Variants in ADCY2 observed in about 807,000 individuals in gnomAD.
ADCY2 encodes the protein adenylate cyclase type 2.
Under a neutral mutation model 125.2 loss-of-function variants are expected in ADCY2, and 31 were observed. That is an observed-to-expected ratio of 0.25 (90% CI 0.19 to 0.33). The LOEUF (loss-of-function observed/expected upper bound fraction) is 0.33, where lower values mean the gene tolerates loss of function less well. Ranked by LOEUF, ADCY2 falls within the 10% of genes least tolerant of loss-of-function variation. The pLI, the probability that ADCY2 is intolerant of heterozygous loss-of-function variation, is 1.00. For synonymous variants in ADCY2, 512 were observed against 548.4 expected (o/e 0.93, Z 0.93); for missense variants, 904 against 1,418.2 (o/e 0.64, Z 5.82).
intron 3 of ADCY2, among the ~76,000 whole-genome samples, chr5:7,591,880 T>C (rs1736859402): frequency 6.6e-6 from 1 of 152,248 alleles, no homozygotes; most frequent in Non-Finnish European, 1.5e-5. Context: ...GGTTTCTGTT[T>C]ACACATTTAC....
intron 3 of ADCY2, among the ~76,000 whole-genome samples, chr5:7,541,880 C>T (rs1174186361): frequency 7.2e-5 from 11 of 152,106 alleles, no homozygotes; most frequent in Non-Finnish European, 1.5e-5. Context: ...ACTGAAGAGC[C>T]TCTATCATAA....
intron 20 of ADCY2, among the ~76,000 whole-genome samples, chr5:7,792,568 CTCATG>C (rs58511007): frequency 0.1 from 15,332 of 152,050 alleles, 1,861 homozygotes; most frequent in African/African-American, 0.29. Flanking sequence ...AGAGCCCTGT[CTCATG>C]TCCTGACAGC....
chr5:7,682,437 A>G (rs1340433458), intron 4 of ADCY2, among the ~76,000 whole-genome samples: 1 of 152,112 alleles, frequency 6.6e-6, no homozygotes, highest in Non-Finnish European at 1.5e-5. Context: ...TCTGTTGCTC[A>G]TTCTCACCCC....
intron 10 of ADCY2, among the ~76,000 whole-genome samples, chr5:7,710,834 A>T (rs1741416687): frequency 6.6e-6 from 1 of 152,176 alleles, no homozygotes; most frequent in Non-Finnish European, 1.5e-5. Context: ...AGAGTTTAGC[A>T]GTGGAAGCAA....
rs1745570985 is a variant in ADCY2, at chr5:7,829,179, C to A, written c.*2308C>A. On this transcript the variant is annotated 3_prime_UTR_variant, in exon 25 of 25. Coordinates refer to ENST00000338316, the MANE Select transcript of ADCY2 (RefSeq NM_020546.3). Reference sequence around the variant, plus strand: ...AAAATGCAAATTCTCAGGCCCCAACCTGAAGGAGGACCCTGAATTTGAGAT... The same window carrying A: ...AAAATGCAAATTCTCAGGCCCCAACATGAAGGAGGACCCTGAATTTGAGAT... 1 of 152,544 alleles carries A rather than the reference C, an allele frequency of 6.6e-6. No homozygotes were observed. Among genetic ancestry groups the A allele is most frequent in the South Asian group, 2.1e-4 (1 of 4,832 alleles). The allele number at this position is 152,544 out of a possible 1,614,324, so 9.4% of individuals were successfully genotyped here.
chr5:7,821,603 T>C (rs1310048901), intron 24 of ADCY2, among the ~76,000 whole-genome samples: 2 of 152,238 alleles, frequency 1.3e-5, no homozygotes, highest in Non-Finnish European at 2.9e-5. Flanking sequence ...TTTGCCCTTG[T>C]ACAGCGAATG....
chr5:7,819,567 A>G (rs1395763618), intron 23 of ADCY2, among the ~76,000 whole-genome samples: 1 of 152,188 alleles, frequency 6.6e-6, no homozygotes, highest in Admixed American at 6.5e-5. Context: ...TAAAGTCTAT[A>G]CCCTCAACCC....
intron 2 of ADCY2, among the ~76,000 whole-genome samples, chr5:7,468,520 A>G (rs1742214529): frequency 6.6e-6 from 1 of 152,150 alleles, no homozygotes; most frequent in South Asian, 2.1e-4. Flanking sequence ...TTGTTTTTTC[A>G]GTTTTATGGA....
intron 12 of ADCY2, among the ~76,000 whole-genome samples, chr5:7,721,326 A>C (rs1247390914): frequency 1.3e-5 from 2 of 152,018 alleles, no homozygotes; most frequent in Non-Finnish European, 2.9e-5. Flanking sequence ...GATTATAAAA[A>C]TTTTCTCCCA....
At position 7,447,225 on chromosome 5, in the gene ADCY2, C is replaced by T. The variant is rs577506911; in HGVS notation, c.408+32455C>T. Among the ~76,000 whole-genome samples, 18 of 152,244 alleles carry T rather than the reference C, an allele frequency of 1.2e-4. No homozygotes were observed. In the East Asian group the frequency reaches 2.5e-3, roughly 21 times the overall value. The stretch of plus-strand genomic sequence containing the variant: ...ATCCCCCAAGCTCTTCTGCAACTCT[C>T]GGGTCTCTCCTGTGGTCTCACCTCT... On this transcript the variant is annotated intron_variant, in intron 2 of 24. Coordinates refer to ENST00000338316, the MANE Select transcript of ADCY2 (RefSeq NM_020546.3).
At chr5:7,687,433 G>T (rs1435120793) in intron 4 of ADCY2, among the ~76,000 whole-genome samples, 1 of 152,162 alleles carries the variant, frequency 6.6e-6, no homozygotes, top group Non-Finnish European at 1.5e-5. Context: ...ACCACAAGCA[G>T]ATCCTAAGAC....
chr5:7,496,631 T>G (rs1035677389), intron 2 of ADCY2, among the ~76,000 whole-genome samples: 7 of 152,178 alleles, frequency 4.6e-5, no homozygotes, highest in African/African-American at 1.2e-4. Flanking sequence ...AAGATTATTA[T>G]TTTACAATAG....
At position 7,549,242 on chromosome 5, in the gene ADCY2, G is replaced by A. The variant is rs116750643; in HGVS notation, c.570+28343G>A. Among the ~76,000 whole-genome samples, 1,124 of 152,268 alleles carry A rather than the reference G, an allele frequency of 7.4e-3. 14 individuals carry two copies. Among genetic ancestry groups the A allele is most frequent in the African/African-American group, 0.026 (1,060 of 41,562 alleles). The stretch of plus-strand genomic sequence containing the variant: ...CCTGTTGCTACATTAGGTTTCTGTT[G>A]TGGATAGTGGGCTGCAGTTCTCACA... On this transcript the variant is annotated intron_variant, in intron 3 of 24. Transcript: ENST00000338316.
At chr5:7,719,753 A>C (rs562231673) in intron 12 of ADCY2, among the ~76,000 whole-genome samples, 6 of 152,126 alleles carry the variant, frequency 3.9e-5, no homozygotes, top group Admixed American at 6.6e-5. Flanking sequence ...ACCTCATTTA[A>C]CCTTCATTTC....
intron 3 of ADCY2, among the ~76,000 whole-genome samples, chr5:7,524,734 C>A (rs1276605566): frequency 1.3e-5 from 2 of 152,186 alleles, no homozygotes; most frequent in Non-Finnish European, 2.9e-5. Context: ...GTGGTGGGTG[C>A]ATCCTCCCGG....
chr5:7,722,859 C>T (rs1741802948), intron 12 of ADCY2, among the ~76,000 whole-genome samples: 1 of 148,572 alleles, frequency 6.7e-6, no homozygotes, highest in African/African-American at 2.5e-5. Flanking sequence ...ATTTGGCAGG[C>T]TGAGACAGGA....
At chr5:7,823,787 G>C (rs1745376491) in intron 24 of ADCY2, among the ~76,000 whole-genome samples, 1 of 152,224 alleles carries the variant, frequency 6.6e-6, no homozygotes, top group African/African-American at 2.4e-5. Flanking sequence ...CATGGAGAGT[G>C]CTCCCTCCTG....
intron 8 of ADCY2, 94 bp from the exon 9 acceptor site, chr5:7,707,612 T>C: frequency 6.8e-7 from 1 of 1,463,158 alleles, no homozygotes; most frequent in South Asian, 1.3e-5. Flanking sequence ...AGAACTTTAG[T>C]GGATAAATTA....
rs1278747504 is a variant in ADCY2 at position 7,722,982 on chromosome 5, A to AAAAAAAAAG, written c.1704-1559_1704-1558insAAAAGAAAA. Among the ~76,000 whole-genome samples the AAAAAAAAAG allele has an allele frequency of 2.7e-3, 395 of 148,764 alleles. 1 individual carries two copies. The highest frequency in any genetic ancestry group is 4.5e-3 in the Non-Finnish European group (299 of 66,970). On this transcript the variant is annotated intron_variant, in intron 12 of 24. Coordinates refer to ENST00000338316, the MANE Select transcript of ADCY2 (RefSeq NM_020546.3). Reference sequence around the variant, plus strand: ...TCTCAAAAAAAAAAAAAAAAAAAAAAAAAAGCATGTCCTTTGCAAGGACAT... The same window carrying AAAAAAAAAG: ...TCTCAAAAAAAAAAAAAAAAAAAAAAAAAAAAAAGAAAAGCATGTCCTTTGCAAGGACAT...
Sources: gnomAD v4.1 joint callset for allele counts (sites outside exome capture counted in the v4.1 genomes callset) on GRCh38, gnomAD v4.1.1 for gene constraint, MANE v1.5 for transcripts, NCBI Gene and HGNC (gene_info 2026-07-23, HGNC 2026-07-21) for gene names.